The following DLGAP1 variants were observed in gnomAD, a reference collection of about 807,000 sequenced individuals.
The protein encoded by DLGAP1 is DLG associated protein 1.
A neutral mutation model predicts 90.8 loss-of-function variants in DLGAP1; 11 were observed. The ratio of observed to expected loss-of-function variants is 0.12; its 90% CI spans 0.08 to 0.20. DLGAP1 has a LOEUF of 0.20. Among genes scored for constraint, DLGAP1 ranks in the 10% least tolerant of loss-of-function variants. The pLI is 1.00. For missense variants in DLGAP1, 1,050 were observed against 1,333.8 expected, an observed-to-expected ratio of 0.79 and a Z score of 3.31; for synonymous variants, 558 against 540.7, an observed-to-expected ratio of 1.03 and a Z score of -0.44.
rs570476298 is a variant in DLGAP1, at chr18:3,967,410, C to T, written c.-73+37706G>A. On this transcript the variant is annotated intron_variant, in intron 3 of 12. Transcript: ENST00000315677. ...CAGTGATTCTCAAGATGTGGTACTG[C>T]GATCAACAGACTCTGCAGAACCTGG... Among the ~76,000 whole-genome samples, 58 of 152,278 alleles carry T rather than the reference C, an allele frequency of 3.8e-4. No individual in the cohort carries two copies. The Middle Eastern group carries it at 0.017, about 45-fold the overall frequency.
intron 1 of DLGAP1, among the ~76,000 whole-genome samples, chr18:4,370,287 AGAT>A (rs747303584): frequency 7.9e-5 from 12 of 152,192 alleles, no homozygotes; most frequent in Non-Finnish European, 1.3e-4. Context: ...AGCAGGAAAG[AGAT>A]GATAACACCA....
At chr18:3,877,040 A>G (rs958106660) in intron 4 of DLGAP1, among the ~76,000 whole-genome samples, 1 of 152,186 alleles carries the variant, frequency 6.6e-6, no homozygotes, top group African/African-American at 2.4e-5. Context: ...TCAGTTGTAC[A>G]ACCTCCAGAT....
intron 4 of DLGAP1, among the ~76,000 whole-genome samples, chr18:3,855,369 C>A (rs2069577342): frequency 6.6e-6 from 1 of 151,872 alleles, no homozygotes; most frequent in Admixed American, 6.6e-5. Flanking sequence ...ATCTGTACAC[C>A]AAATCCCCTT....
chr18:3,841,700 C>T (rs945352027), intron 4 of DLGAP1, among the ~76,000 whole-genome samples: 16 of 152,118 alleles, frequency 1.1e-4, no homozygotes, highest in African/African-American at 2.9e-4. Context: ...CACCTTAGCA[C>T]AGTACTTTGC....
intron 7 of DLGAP1, among the ~76,000 whole-genome samples, chr18:3,691,891 G>A (rs1027925321): frequency 5.3e-5 from 8 of 152,064 alleles, no homozygotes; most frequent in African/African-American, 1.9e-4. Context: ...CTGCATTCCT[G>A]TCTGGGTGAC....
chr18:4,290,039 T>G (rs1420003783), intron 1 of DLGAP1, among the ~76,000 whole-genome samples: 1 of 152,174 alleles, frequency 6.6e-6, no homozygotes, highest in Non-Finnish European at 1.5e-5. Context: ...ATGGCAGAAG[T>G]TATTTTATAG....
chr18:3,857,813 T>C (rs1399685559), intron 4 of DLGAP1, among the ~76,000 whole-genome samples: 1 of 152,164 alleles, frequency 6.6e-6, no homozygotes, highest in Non-Finnish European at 1.5e-5. Context: ...CCAGTGCCTT[T>C]CTCCAGTTCT....
chr18:3,980,804 C>T (rs9956635), intron 3 of DLGAP1, among the ~76,000 whole-genome samples: 68,400 of 151,990 alleles, frequency 0.45, 15,687 homozygotes, highest in African/African-American at 0.51. Flanking sequence ...TTGAAACATG[C>T]ATACACGTAT....
At chr18:3,992,987 C>G (rs1314600856) in intron 3 of DLGAP1, 1 of 152,008 alleles carries the variant, frequency 6.6e-6, no homozygotes, top group Non-Finnish European at 1.5e-5. Context: ...ATAATCAAGT[C>G]AGCTTGGGAT....
intron 2 of DLGAP1, among the ~76,000 whole-genome samples, chr18:4,111,952 T>C (rs1432764613): frequency 6.7e-6 from 1 of 149,612 alleles, no homozygotes; most frequent in African/African-American, 2.5e-5. Context: ...TAAAATAACA[T>C]AATAATAATA....
intron 1 of DLGAP1, among the ~76,000 whole-genome samples, chr18:4,161,290 G>A (rs147390708): frequency 2.6e-5 from 4 of 151,920 alleles, no homozygotes; most frequent in African/African-American, 9.7e-5. Flanking sequence ...CCAACCCCAC[G>A]TGTCCATGTG....
intron 1 of DLGAP1, among the ~76,000 whole-genome samples, chr18:4,405,339 C>T (rs2082640384): frequency 6.6e-6 from 1 of 152,054 alleles, no homozygotes; most frequent in Admixed American, 6.6e-5. Context: ...ATTTACAATA[C>T]CTCCTATGTC....
chr18:3,977,434 GTTTTT>G (rs58599574), intron 3 of DLGAP1, among the ~76,000 whole-genome samples: 2 of 95,334 alleles, frequency 2.1e-5, no homozygotes, highest in Admixed American at 2.4e-4. Context: ...TTTATTCTGT[GTTTTT>G]TTTTTTTTTT....
chr18:4,052,419 C>T (rs1323962006), intron 2 of DLGAP1, among the ~76,000 whole-genome samples: 1 of 152,188 alleles, frequency 6.6e-6, no homozygotes, highest in Non-Finnish European at 1.5e-5. Context: ...GGGGGGCTTG[C>T]ACCCTCTGAA....
intron 7 of DLGAP1, among the ~76,000 whole-genome samples, chr18:3,715,070 A>T (rs1196300121): frequency 6.6e-6 from 1 of 152,226 alleles, no homozygotes; most frequent in East Asian, 1.9e-4. Context: ...ACTCTTGTCC[A>T]AGGCAGTGTA....
chr18:3,939,533 T>C (rs2072723677), intron 3 of DLGAP1, among the ~76,000 whole-genome samples: 1 of 151,326 alleles, frequency 6.6e-6, no homozygotes, highest in Non-Finnish European at 1.5e-5. Context: ...AGAATATACA[T>C]TTTGGAAAAA....
chr18:4,327,397 C>T (rs2080847157), intron 1 of DLGAP1, among the ~76,000 whole-genome samples: 1 of 151,858 alleles, frequency 6.6e-6, no homozygotes, highest in African/African-American at 2.4e-5. Flanking sequence ...TATACTTGCT[C>T]AATGTTTTTC....
At chr18:4,354,038 C>A (rs1172537820) in intron 1 of DLGAP1, among the ~76,000 whole-genome samples, 1 of 152,164 alleles carries the variant, frequency 6.6e-6, no homozygotes, top group Non-Finnish European at 1.5e-5. Context: ...GCTGTTGTTA[C>A]CGCCATCGAC....
At chr18:4,043,261 G>T (rs1026631782) in intron 2 of DLGAP1, among the ~76,000 whole-genome samples, 1 of 152,154 alleles carries the variant, frequency 6.6e-6, no homozygotes, top group Non-Finnish European at 1.5e-5. Context: ...AGCCAGTCTG[G>T]CTGGACCTTA....
Sources: allele counts gnomAD v4.1 joint callset (sites outside exome capture counted in the v4.1 genomes callset), GRCh38; gene constraint gnomAD v4.1.1; transcripts MANE v1.5; gene names NCBI Gene and HGNC (gene_info 2026-07-23, HGNC 2026-07-21).